Variants in TAF2 observed in about 807,000 individuals in gnomAD.
TAF2 encodes transcription initiation factor TFIID subunit 2.
In TAF2, 61 loss-of-function variants were observed where a neutral mutation model predicts 138.5. The ratio of observed to expected loss-of-function variants is 0.44; its 90% confidence interval spans 0.36 to 0.54. The LOEUF (loss-of-function observed/expected upper bound fraction) is 0.54. TAF2 is among the 20% of genes least tolerant of loss of function. The pLI is 0.00. For synonymous variants in TAF2, 475 were observed against 469.9 expected (o/e 1.01, Z -0.14); for missense variants, 1,090 against 1,427.9 (o/e 0.76, Z 3.81).
rs564505449 is a variant in TAF2, at chr8:119,776,083, A to G, written c.2364+1936T>C. Among the ~76,000 whole-genome samples, 15 of 152,346 alleles carry G rather than the reference A, an allele frequency of 9.8e-5. No individual in the cohort carries two copies. The South Asian group carries it at 1.7e-3, about 17-fold the overall frequency. On this transcript the variant is annotated intron_variant, in intron 18 of 25. Transcript: ENST00000378164. ...ACTCATTAAAAAATGTTGGACTATC[A>G]TAACAAAGGCAACTAAAAGATAACC...
chr8:119,785,487 T>C (rs775078450), intron 14 of TAF2, among the ~76,000 whole-genome samples: 20 of 152,160 alleles, frequency 1.3e-4, no homozygotes, highest in Non-Finnish European at 2.5e-4. Context: ...GATCAAATGT[T>C]AACAAGAAGC....
intron 18 of TAF2, among the ~76,000 whole-genome samples, chr8:119,777,629 G>T (rs1299081992): frequency 6.6e-6 from 1 of 152,092 alleles, no homozygotes; most frequent in Non-Finnish European, 1.5e-5. Flanking sequence ...ATGAATCAAG[G>T]AACAAGTTAA....
At chr8:119,782,469 T>C (rs1822735108) in intron 16 of TAF2, among the ~76,000 whole-genome samples, 1 of 152,230 alleles carries the variant, frequency 6.6e-6, no homozygotes, top group Admixed American at 6.5e-5. Context: ...CTTTCTCATA[T>C]ATCTGAGAAC....
intron 22 of TAF2, among the ~76,000 whole-genome samples, chr8:119,754,327 T>C (rs555303954): frequency 2.6e-5 from 4 of 152,332 alleles, no homozygotes; most frequent in South Asian, 2.1e-4. Context: ...ACTAATGAGA[T>C]AGGCAGGACA....
rs1826542066 is a variant in TAF2 at position 119,832,645 on chromosome 8, C to G, written c.-81G>C. On this transcript the variant is annotated 5_prime_UTR_variant, in exon 1 of 26. Transcript: ENST00000378164. ...CTAGTCTTTGGCACCTCACACTCTC[C>G]ACTCCCCTGCGGTCCCCAAGTCACG... 5 of 1,370,536 alleles carry G rather than the reference C, an allele frequency of 3.6e-6. No homozygotes were observed. The highest frequency in any genetic ancestry group is 5.1e-6 in the Non-Finnish European group (5 of 985,266). 84.9% of individuals were successfully genotyped at this position (1,370,536 alleles called of 1,614,324 possible). A position where few individuals can be genotyped will look rare whatever the true frequency, so the allele number is the denominator to read the frequency against.
intron 20 of TAF2, among the ~76,000 whole-genome samples, chr8:119,759,073 CT>C (rs1282967892): frequency 6.6e-6 from 1 of 152,084 alleles, no homozygotes; most frequent in African/African-American, 2.4e-5. Context: ...GGAAAGAAGA[CT>C]GGCAACAATG....
chr8:119,827,868 C>T (rs750185273), intron 2 of TAF2, among the ~76,000 whole-genome samples: 8 of 151,894 alleles, frequency 5.3e-5, no homozygotes, highest in Non-Finnish European at 8.8e-5. Context: ...CTCAGCCTCC[C>T]AAGTAGCTGG....
At chr8:119,751,191 A>T (rs1347285674) in intron 22 of TAF2, among the ~76,000 whole-genome samples, 1 of 152,162 alleles carries the variant, frequency 6.6e-6, no homozygotes, top group African/African-American at 2.4e-5. Flanking sequence ...GATCACATAT[A>T]TTCTGAATTT....
At chr8:119,819,880 A>C (rs1483167462) in intron 2 of TAF2, among the ~76,000 whole-genome samples, 1 of 152,196 alleles carries the variant, frequency 6.6e-6, no homozygotes, top group Non-Finnish European at 1.5e-5. Flanking sequence ...TGATGAGTGA[A>C]AGAACATGGC....
intron 25 of TAF2, among the ~76,000 whole-genome samples, chr8:119,734,179 G>T (rs1394178661): frequency 6.6e-6 from 1 of 152,008 alleles, no homozygotes; most frequent in Non-Finnish European, 1.5e-5. Flanking sequence ...AAACAAAGCT[G>T]CTTTTTATCT....
rs867432266 is a variant in TAF2 at position 119,800,155 on chromosome 8, C to T, written c.792+1639G>A. ...AGAAACTCTTTAGTTTAATTAGATC[C>T]CATTTGTCAATTTTGGCTTTTGTTG... On this transcript the variant is annotated intron_variant, in intron 6 of 25. Coordinates refer to ENST00000378164, the MANE Select transcript of TAF2 (RefSeq NM_003184.4). 1.8e-4 allele frequency among the ~76,000 whole-genome samples: 28 copies of T among 152,230 alleles called. No individual in the cohort carries two copies. In the South Asian group the frequency reaches 2.7e-3, roughly 15 times the overall value.
intron 2 of TAF2, among the ~76,000 whole-genome samples, chr8:119,825,172 C>T (rs1826021787): frequency 6.6e-6 from 1 of 152,260 alleles, no homozygotes; most frequent in African/African-American, 2.4e-5. Flanking sequence ...CCTCTTGCAT[C>T]AGCATGACCT....
intron 18 of TAF2, among the ~76,000 whole-genome samples, chr8:119,771,325 T>C (rs1418595731): frequency 2.0e-5 from 3 of 151,968 alleles, no homozygotes; most frequent in Non-Finnish European, 4.4e-5. Flanking sequence ...AACCTCCCCG[T>C]CCTAGGTTCA....
intron 23 of TAF2, 96 bp from the exon 24 acceptor site, chr8:119,744,489 G>C: frequency 1.0e-6 from 1 of 954,334 alleles, no homozygotes; most frequent in South Asian, 1.3e-5. Context: ...AGAGGCCATA[G>C]GATATACCCC....
At chr8:119,767,917 C>T (rs1821549674) in intron 18 of TAF2, among the ~76,000 whole-genome samples, 1 of 152,124 alleles carries the variant, frequency 6.6e-6, no homozygotes, top group Non-Finnish European at 1.5e-5. Flanking sequence ...CACCACAGGC[C>T]ACCACAGATG....
At chr8:119,764,816 C>A (rs958644447) in intron 18 of TAF2, among the ~76,000 whole-genome samples, 2 of 151,874 alleles carry the variant, frequency 1.3e-5, no homozygotes, top group Non-Finnish European at 2.9e-5. Flanking sequence ...ATGTGATTTG[C>A]CACCATCCTA....
At position 119,750,562 on chromosome 8, in the gene TAF2, CA is replaced by C. The variant is rs1414151646; in HGVS notation, c.2879-3629del. Among the ~76,000 whole-genome samples, 10 of 152,172 alleles carry C rather than the reference CA, an allele frequency of 6.6e-5. No individual in the cohort carries two copies. The East Asian group carries it at 9.7e-4, about 15-fold the overall frequency. On this transcript the variant is annotated intron_variant, in intron 22 of 25. Coordinates refer to ENST00000378164, the MANE Select transcript of TAF2 (RefSeq NM_003184.4). ...TCCATCTTACAATAAACAAAAACAG[CA>C]AACTCATTTCTATTTATGTGTGTGT...
intron 3 of TAF2, among the ~76,000 whole-genome samples, chr8:119,811,770 C>A (rs1315054635): frequency 7.9e-6 from 1 of 126,634 alleles, no homozygotes; most frequent in African/African-American, 3.1e-5. Flanking sequence ...AGCGCCACTG[C>A]AGTCCAGCTT....
chr8:119,795,436 T>C (rs1823754725), intron 9 of TAF2, 96 bp downstream of exon 9: 5 of 1,051,926 alleles, frequency 4.8e-6, no homozygotes, highest in Admixed American at 3.8e-5. Context: ...TGGGAAAAAT[T>C]AGGGATTTTC....
Sources: allele counts gnomAD v4.1 joint callset (sites outside exome capture counted in the v4.1 genomes callset), GRCh38; gene constraint gnomAD v4.1.1; transcripts MANE v1.5; gene names NCBI Gene and HGNC (gene_info 2026-07-23, HGNC 2026-07-21).